FKBP11: variants seen among roughly 807,000 people sequenced by gnomAD.
FKBP11 encodes peptidyl-prolyl cis-trans isomerase FKBP11.
FKBP11 carries 21 observed loss-of-function variants against 24.7 expected under a neutral mutation model. The observed-to-expected ratio is 0.85, with a 90% CI of 0.60 to 1.23. The LOEUF is 1.23. Among genes scored for constraint, FKBP11 ranks in the 50% most tolerant of loss-of-function variants. The pLI is 0.00. For synonymous variants in FKBP11, 106 were observed against 100.6 expected (o/e 1.05, Z -0.32); for missense variants, 245 against 248.7 (o/e 0.99, Z 0.10).
the FKBP11 span, chr12:48,938,699 T>C: frequency 1.9e-6 from 1 of 531,498 alleles, no homozygotes; most frequent in African/African-American, 1.9e-5. Flanking sequence ...CATGAAACCG[T>C]AACAACTTTT....
At chr12:48,927,247 T>C (rs1939988880), upstream of FKBP11, among the ~76,000 whole-genome samples, 1 of 152,144 alleles carries the variant, frequency 6.6e-6, no homozygotes, top group South Asian at 2.1e-4. Context: ...TACTCTGGAT[T>C]CTCCTTCCAA....
intron 5 of FKBP11, chr12:48,923,105 A>G: frequency 9.8e-7 from 1 of 1,016,770 alleles, no homozygotes; most frequent in South Asian, 1.8e-5. Flanking sequence ...TGAAGATTGC[A>G]CTATTGCACT....
upstream of FKBP11, chr12:48,925,494 G>C: frequency 6.6e-7 from 1 of 1,508,348 alleles, no homozygotes; most frequent in East Asian, 2.5e-5. Context: ...AGCCAGGACA[G>C]CGTTCCCGCG....
At chr12:48,936,554 T>G in the FKBP11 span, 1 of 152,660 alleles carries the variant, frequency 6.6e-6, no homozygotes, top group African/African-American at 2.4e-5. Context: ...CCAGGGATAC[T>G]ACCAAGATCA....
chr12:48,938,949 ACTT>A, the FKBP11 span: 1 of 1,611,796 alleles, frequency 6.2e-7, no homozygotes. Flanking sequence ...TCTGGCTTTC[ACTT>A]CTTGTTTTTG....
At chr12:48,934,978 C>T in the FKBP11 span, among the ~76,000 whole-genome samples, 1 of 140,266 alleles carries the variant, frequency 7.1e-6, no homozygotes, top group Non-Finnish European at 1.5e-5. Context: ...GATATCGTGC[C>T]ATTGCCCTCC....
chr12:48,925,492 C>G lies in FKBP11; in HGVS notation c.-64G>C. ...GCTGTTCGGGTGGCGGCAGCCAGGACAGCGTTCCCGCGGCGCCCAGGCCAG... is the reference window on the plus strand; with the variant it reads ...GCTGTTCGGGTGGCGGCAGCCAGGAGAGCGTTCCCGCGGCGCCCAGGCCAG... On this transcript the variant is annotated 5_prime_UTR_variant, in exon 1 of 6. Coordinates refer to ENST00000550765, the MANE Select transcript of FKBP11 (RefSeq NM_016594.3). The G allele has an allele frequency of 6.6e-7, 1 of 1,511,456 alleles. No individual in the cohort carries two copies. The highest frequency in any genetic ancestry group is 1.2e-5 in the South Asian group (1 of 80,564). 93.6% of individuals were successfully genotyped at this position (1,511,456 alleles called of 1,614,324 possible).
the FKBP11 span, chr12:48,938,221 T>C: frequency 5.6e-6 from 2 of 359,900 alleles, no homozygotes; most frequent in Admixed American, 3.5e-5. Context: ...ACAAGGAAAA[T>C]GGTGGTGAAG....
chr12:48,931,696 G>T, the FKBP11 span: 1 of 521,066 alleles, frequency 1.9e-6, no homozygotes, highest in Non-Finnish European at 3.4e-6. Flanking sequence ...TAAAGACAAT[G>T]GTGTTTATTA....
At chr12:48,929,405 G>A (rs549345239), upstream of FKBP11, among the ~76,000 whole-genome samples, 3 of 152,144 alleles carry the variant, frequency 2.0e-5, no homozygotes, top group South Asian at 2.1e-4. Flanking sequence ...CCATGATCAC[G>A]CCACTGCACT....
rs750210937 is a variant in FKBP11, at chr12:48,925,065, G to A, written c.176C>T (p.Thr59Met). Residue 59 changes from threonine to methionine, a missense_variant, in exon 2 of 6, where the codon ACG becomes ATG. Coordinates refer to ENST00000550765, the MANE Select transcript of FKBP11 (RefSeq NM_016594.3). ...PCAEPAAFGD[T>M]LHIHYTGSLV... ...CCTCACCGTGTAGTGTATGTGAAGC[G>A]TGTCTCCAAAAGCAGCGGGCTCGGC... The A allele has an allele frequency of 2.5e-6, 4 of 1,611,744 alleles. No homozygotes were observed. In the Admixed American group the frequency reaches 5.0e-5, roughly 20 times the overall value.
chr12:48,933,197 C>G, the FKBP11 span, among the ~76,000 whole-genome samples: 2 of 152,178 alleles, frequency 1.3e-5, no homozygotes, highest in Non-Finnish European at 2.9e-5. Flanking sequence ...TAACCCTCTT[C>G]CCTTTTCTCA....
At position 48,925,488 on chromosome 12, in the gene FKBP11, A is replaced by G; in HGVS notation, c.-60T>C. ...ACAGGCTGTTCGGGTGGCGGCAGCCAGGACAGCGTTCCCGCGGCGCCCAGG... is the reference window on the plus strand; with the variant it reads ...ACAGGCTGTTCGGGTGGCGGCAGCCGGGACAGCGTTCCCGCGGCGCCCAGG... On this transcript the variant is annotated 5_prime_UTR_variant, in exon 1 of 6. Coordinates refer to ENST00000550765, the MANE Select transcript of FKBP11 (RefSeq NM_016594.3). 6.6e-7 allele frequency: 1 copy of G among 1,515,088 alleles called. No individual in the cohort carries two copies. The allele number at this position is 1,515,088 out of a possible 1,614,324, so 93.9% of individuals were successfully genotyped here. A position where few individuals can be genotyped will look rare whatever the true frequency, so the allele number is the denominator to read the frequency against.
At position 48,923,816 on chromosome 12, in the gene FKBP11, G is replaced by C. The variant is rs753977575; in HGVS notation, c.354C>G (p.Ala118=). The C allele has an allele frequency of 1.9e-6, 3 of 1,614,118 alleles. No homozygotes were observed. The South Asian group carries it at 3.3e-5, about 18-fold the overall frequency. Residue 118 remains alanine, a synonymous_variant, in exon 5 of 6, where the codon GCC becomes GCG. Transcript: ENST00000550765. ...KRRAIIPSHL[A]YGKRGFPPSV... ...ATGGTGGAAATCCCCGTTTTCCATA[G>C]GCCAAGTGAGAAGGAATGATTGCCC...
upstream of FKBP11, among the ~76,000 whole-genome samples, chr12:48,928,680 T>C (rs1009122305): frequency 2.0e-5 from 3 of 151,960 alleles, no homozygotes; most frequent in Non-Finnish European, 2.9e-5. Context: ...GGTTTCACCA[T>C]GTCGGCCAGG....
At chr12:48,936,631 G>T in the FKBP11 span, 1 of 152,624 alleles carries the variant, frequency 6.6e-6, no homozygotes, top group Admixed American at 6.5e-5. Flanking sequence ...TCCAGCCCCA[G>T]ATTGGTCCCT....
At position 48,923,872 on chromosome 12, in the gene FKBP11, T is replaced by C; in HGVS notation, c.318-20A>G. On this transcript the variant is annotated intron_variant, in intron 4 of 5. Coordinates refer to ENST00000550765, the MANE Select transcript of FKBP11 (RefSeq NM_016594.3). ...TTCTCTCTGAGGGAAGGAATGTCAG[T>C]CACAGCCAGAGGCAGGAGAGGTAGG... 2 of 1,612,882 alleles carry C rather than the reference T, an allele frequency of 1.2e-6. No individual in the cohort carries two copies. The highest frequency in any genetic ancestry group is 1.3e-5 in the African/African-American group (1 of 74,996).
the FKBP11 span, among the ~76,000 whole-genome samples, chr12:48,934,198 G>C: frequency 2.4e-4 from 37 of 152,314 alleles, no homozygotes; most frequent in African/African-American, 7.9e-4. Flanking sequence ...CCTCAAGGCT[G>C]AGAAACCCAC....
At chr12:48,931,555 C>A in the FKBP11 span, 2 of 1,204,558 alleles carry the variant, frequency 1.7e-6, no homozygotes, top group Non-Finnish European at 2.3e-6. Flanking sequence ...GCTGGAGATA[C>A]AACTTAATCA....
Sources: gnomAD v4.1 joint callset for allele counts (sites outside exome capture counted in the v4.1 genomes callset) on GRCh38, gnomAD v4.1.1 for gene constraint, MANE v1.5 for transcripts, NCBI Gene and HGNC (gene_info 2026-07-23, HGNC 2026-07-21) for gene names.